The following LHFPL3 variants were observed in gnomAD, a reference collection of about 807,000 sequenced individuals.
The protein encoded by LHFPL3 is LHFPL tetraspan subfamily member 3 protein.
In LHFPL3, 5 loss-of-function variants were observed where a neutral mutation model predicts 19.3. The observed-to-expected ratio is 0.26, with a 90% confidence interval of 0.14 to 0.54. The LOEUF is 0.54. Among genes scored for constraint, LHFPL3 ranks in the 20% least tolerant of loss-of-function variants. The pLI is 0.94. For missense variants in LHFPL3, 249 were observed against 307.4 expected (o/e 0.81, Z 1.42); for synonymous variants, 133 against 126.2 (o/e 1.05, Z -0.36).
intron 2 of LHFPL3, among the ~76,000 whole-genome samples, chr7:104,838,881 C>A (rs1389120558): frequency 1.3e-5 from 2 of 152,166 alleles, no homozygotes; most frequent in African/African-American, 4.8e-5. Context: ...GTAGTTAATA[C>A]CAGAACTCAT....
intron 1 of LHFPL3, among the ~76,000 whole-genome samples, chr7:104,346,891 C>T (rs1022319900): frequency 1.3e-5 from 2 of 148,328 alleles, no homozygotes; most frequent in Non-Finnish European, 3.0e-5. Flanking sequence ...TTTTGCATTA[C>T]CAGGAAGAAA....
chr7:104,421,215 C>T (rs1386682138), intron 1 of LHFPL3, among the ~76,000 whole-genome samples: 1 of 152,092 alleles, frequency 6.6e-6, no homozygotes, highest in Admixed American at 6.5e-5. Flanking sequence ...AGGAAAAATG[C>T]TTGAAAAGTT....
intron 2 of LHFPL3, among the ~76,000 whole-genome samples, chr7:104,842,859 T>C (rs1292758087): frequency 2.6e-5 from 4 of 152,248 alleles, no homozygotes; most frequent in African/African-American, 9.6e-5. Context: ...CTTCTCTAAG[T>C]ATCTTCTGCT....
intron 2 of LHFPL3, among the ~76,000 whole-genome samples, chr7:104,826,137 G>A (rs1790813808): frequency 6.6e-6 from 1 of 151,894 alleles, no homozygotes; most frequent in Non-Finnish European, 1.5e-5. Flanking sequence ...CTATTTGAGG[G>A]AGGCTTTATC....
At chr7:104,680,829 C>T (rs898637470) in intron 1 of LHFPL3, among the ~76,000 whole-genome samples, 1 of 151,994 alleles carries the variant, frequency 6.6e-6, no homozygotes, top group Non-Finnish European at 1.5e-5. Context: ...CATGGGGTTG[C>T]CTAGACAGGG....
chr7:104,864,603 A>G (rs1196131328), intron 2 of LHFPL3, among the ~76,000 whole-genome samples: 1 of 152,206 alleles, frequency 6.6e-6, no homozygotes, highest in Non-Finnish European at 1.5e-5. Context: ...GGAAGCTTGA[A>G]CTGGGTAGAG....
intron 1 of LHFPL3, among the ~76,000 whole-genome samples, chr7:104,517,103 T>G (rs1486115782): frequency 6.6e-6 from 1 of 152,018 alleles, no homozygotes; most frequent in Non-Finnish European, 1.5e-5. Context: ...AAGAACACAT[T>G]GACACATAGA....
At chr7:104,414,664 T>G (rs536141713) in intron 1 of LHFPL3, among the ~76,000 whole-genome samples, 15 of 152,334 alleles carry the variant, frequency 9.8e-5, no homozygotes, top group African/African-American at 3.4e-4. Context: ...GCTGTTAAAT[T>G]TATGCATAAA....
At chr7:104,726,315 C>T (rs78279420) in intron 1 of LHFPL3, among the ~76,000 whole-genome samples, 3,823 of 146,452 alleles carry the variant, frequency 0.026, 159 homozygotes, top group African/African-American at 0.091. Flanking sequence ...GCTATGTATA[C>T]GATGATGGAC....
At chr7:104,644,698 A>C (rs7801340) in intron 1 of LHFPL3, among the ~76,000 whole-genome samples, 147,911 of 152,192 alleles carry the variant, frequency 0.97, 71,997 homozygotes, top group East Asian at 1. Context: ...GAGGCCTTGG[A>C]GCAGACTCTT....
intron 1 of LHFPL3, among the ~76,000 whole-genome samples, chr7:104,701,869 T>TA (rs11371490): frequency 0.65 from 98,842 of 151,824 alleles, 32,528 homozygotes; most frequent in African/African-American, 0.71. Flanking sequence ...GATTCTTTTT[T>TA]AAAAAAATTT....
intron 2 of LHFPL3, among the ~76,000 whole-genome samples, chr7:104,807,225 G>A (rs1042051028): frequency 6.6e-6 from 1 of 152,074 alleles, no homozygotes; most frequent in East Asian, 1.9e-4. Flanking sequence ...TGCACAGAGA[G>A]AGCACCATGT....
At chr7:104,585,867 C>CT (rs1332953055) in intron 1 of LHFPL3, among the ~76,000 whole-genome samples, 3 of 151,962 alleles carry the variant, frequency 2.0e-5, no homozygotes, top group African/African-American at 7.2e-5. Flanking sequence ...TTTCATTTAT[C>CT]TTTTAAATCT....
chr7:104,504,412 A>C (rs2115742924), intron 1 of LHFPL3, among the ~76,000 whole-genome samples: 1 of 152,256 alleles, frequency 6.6e-6, no homozygotes, highest in South Asian at 2.1e-4. Flanking sequence ...CTGCTGTTAG[A>C]TTTTCATCCT....
At chr7:104,638,763 CTT>C (rs60096495) in intron 1 of LHFPL3, among the ~76,000 whole-genome samples, 4 of 141,682 alleles carry the variant, frequency 2.8e-5, no homozygotes, top group Admixed American at 7.1e-5. Flanking sequence ...GGTGGGGTAG[CTT>C]TTTTTTTTTT....
Position 104,788,737 on chromosome 7 carries a change from C to T in LHFPL3, c.682+51826C>T, listed in dbSNP as rs190580489. 1.6e-3 allele frequency among the ~76,000 whole-genome samples: 249 copies of T among 152,210 alleles called. 1 individual carries two copies. The highest frequency in any genetic ancestry group is 2.9e-3 in the Non-Finnish European group (199 of 68,024). On this transcript the variant is annotated intron_variant, in intron 2 of 2. Transcript: ENST00000424859. ...AACAATTGGAGCATGTAACCGTTTG[C>T]GAGCAAGGATATATTTTCCTGAGCG...
intron 1 of LHFPL3, among the ~76,000 whole-genome samples, chr7:104,687,192 A>G (rs1038391654): frequency 2.0e-5 from 3 of 152,170 alleles, no homozygotes; most frequent in African/African-American, 7.2e-5. Context: ...ACTTACATTT[A>G]CCTACTTATT....
intron 2 of LHFPL3, among the ~76,000 whole-genome samples, chr7:104,879,920 G>A (rs747428143): frequency 6.6e-6 from 1 of 152,176 alleles, no homozygotes; most frequent in Admixed American, 6.5e-5. Flanking sequence ...AGAGCCAGGT[G>A]TGATGGTATG....
At chr7:104,542,604 G>C (rs1289422168) in intron 1 of LHFPL3, among the ~76,000 whole-genome samples, 1 of 152,110 alleles carries the variant, frequency 6.6e-6, no homozygotes, top group African/African-American at 2.4e-5. Context: ...ACAAGTCATA[G>C]TCCTCAATAA....
Sources: gnomAD v4.1 joint callset for allele counts (sites outside exome capture counted in the v4.1 genomes callset) on GRCh38, gnomAD v4.1.1 for gene constraint, MANE v1.5 for transcripts, NCBI Gene and HGNC (gene_info 2026-07-23, HGNC 2026-07-21) for gene names.